Variants in NXPH1 observed in about 807,000 individuals in gnomAD.
NXPH1 encodes neurexophilin 1.
Under a neutral mutation model 23.7 loss-of-function variants are expected in NXPH1, and 5 were observed. The ratio of observed to expected loss-of-function variants is 0.21; its 90% confidence interval spans 0.11 to 0.44. The LOEUF is 0.44. Among genes scored for constraint, NXPH1 ranks in the 20% least tolerant of loss-of-function variants. The pLI is 0.99. For synonymous variants in NXPH1, 144 were observed against 122.2 expected (o/e 1.18, Z -1.18); for missense variants, 324 against 321.6 (o/e 1.01, Z -0.06).
chr7:8,725,278 C>T (rs1179712871), intron 2 of NXPH1, among the ~76,000 whole-genome samples: 5 of 152,032 alleles, frequency 3.3e-5, no homozygotes, highest in African/African-American at 1.2e-4. Context: ...TCACTTGAGG[C>T]CAGGAGTTCG....
chr7:8,635,592 A>G (rs1820207341), intron 2 of NXPH1, among the ~76,000 whole-genome samples: 1 of 152,220 alleles, frequency 6.6e-6, no homozygotes, highest in South Asian at 2.1e-4. Flanking sequence ...TGTTAGATAG[A>G]GAACCATCAC....
At chr7:8,670,965 G>C (rs558738044) in intron 2 of NXPH1, among the ~76,000 whole-genome samples, 1 of 152,200 alleles carries the variant, frequency 6.6e-6, no homozygotes, top group South Asian at 2.1e-4. Context: ...TACTTGGGAT[G>C]TACTCATCTG....
rs147379639 is a variant in NXPH1, at chr7:8,737,209, C to T, written c.55-13799C>T. Reference sequence around the variant, plus strand: ...TGGTTATTTTGCCTGTTACTTGATGCAGTTTCTTCATAGTGTTGATGGTCT... The same window carrying T: ...TGGTTATTTTGCCTGTTACTTGATGTAGTTTCTTCATAGTGTTGATGGTCT... On this transcript the variant is annotated intron_variant, in intron 2 of 2. Transcript: ENST00000405863. 1.7e-4 allele frequency among the ~76,000 whole-genome samples: 26 copies of T among 152,178 alleles called. No individual in the cohort carries two copies. The East Asian group carries it at 4.1e-3, about 24-fold the overall frequency.
In NXPH1 at chr7:8,609,536, A is replaced by G. The variant is rs1034566873; in HGVS notation, c.55-141472A>G. Among the ~76,000 whole-genome samples the G allele has an allele frequency of 3.9e-5, 6 of 152,176 alleles. No individual in the cohort carries two copies. The East Asian group carries it at 5.8e-4, about 15-fold the overall frequency. On this transcript the variant is annotated intron_variant, in intron 2 of 2. Transcript: ENST00000405863. ...TTATGACTGTGACGTACTTTGAGAC[A>G]CTTTCAGAAAGATTGAAAGACGAAA...
At chr7:8,732,495 A>G (rs1780175107) in intron 2 of NXPH1, among the ~76,000 whole-genome samples, 3 of 152,230 alleles carry the variant, frequency 2.0e-5, no homozygotes, top group Admixed American at 2.0e-4. Context: ...TCAGGTAGAA[A>G]GAAGCAATTC....
rs1816174768 is a variant in NXPH1 at position 8,435,444 on chromosome 7, G to A, written c.-110-160G>A. ...CCCAGCTGCGGACCGCGCGCTTGCT[G>A]GTCTCAGGCGCTGGATTTACTCGCT... On this transcript the variant is annotated intron_variant, in intron 1 of 2. Transcript: ENST00000405863. The surrounding 1 kb of genome is among the most constrained non-coding windows in gnomAD (Gnocchi z 5.9). 1 of 537,778 alleles carries A rather than the reference G, an allele frequency of 1.9e-6. No homozygotes were observed. The highest frequency in any genetic ancestry group is 2.2e-5 in the South Asian group (1 of 46,132). 33.3% of individuals were successfully genotyped at this position (537,778 alleles called of 1,614,324 possible). A position where few individuals can be genotyped will look rare whatever the true frequency, so the allele number is the denominator to read the frequency against.
At chr7:8,746,589 T>G (rs1339527196) in intron 2 of NXPH1, among the ~76,000 whole-genome samples, 1 of 152,246 alleles carries the variant, frequency 6.6e-6, no homozygotes, top group Non-Finnish European at 1.5e-5. Context: ...CTTGCTTTCT[T>G]TCCTTTTCAA....
At chr7:8,528,564 C>T (rs1207190039) in intron 2 of NXPH1, among the ~76,000 whole-genome samples, 1 of 152,148 alleles carries the variant, frequency 6.6e-6, no homozygotes, top group Non-Finnish European at 1.5e-5. Flanking sequence ...TGAAAGGATG[C>T]CTTATTTGCA....
At chr7:8,615,971 C>T (rs914846094) in intron 2 of NXPH1, among the ~76,000 whole-genome samples, 2 of 151,988 alleles carry the variant, frequency 1.3e-5, no homozygotes, top group Non-Finnish European at 2.9e-5. Context: ...TTGCCGTTAT[C>T]TTCTTAAAGC....
chr7:8,710,054 C>T (rs888939900), intron 2 of NXPH1, among the ~76,000 whole-genome samples: 2 of 152,200 alleles, frequency 1.3e-5, no homozygotes, highest in African/African-American at 2.4e-5. Context: ...AAAGAATCTC[C>T]TTTGCCCTAT....
At chr7:8,507,622 C>T (rs541465197) in intron 2 of NXPH1, among the ~76,000 whole-genome samples, 57 of 152,210 alleles carry the variant, frequency 3.7e-4, no homozygotes, top group African/African-American at 1.3e-3. Context: ...GTTTCATAAT[C>T]TTCTAAGTTT....
chr7:8,700,165 G>T (rs1363461453), intron 2 of NXPH1, among the ~76,000 whole-genome samples: 1 of 152,122 alleles, frequency 6.6e-6, no homozygotes, highest in Non-Finnish European at 1.5e-5. Flanking sequence ...AAATTGAATT[G>T]TAAACTCTTC....
At chr7:8,739,189 A>AC (rs1780317745) in intron 2 of NXPH1, among the ~76,000 whole-genome samples, 2 of 149,976 alleles carry the variant, frequency 1.3e-5, no homozygotes, top group African/African-American at 2.5e-5. Context: ...AAAAAAAAAA[A>AC]AAAAAAAAAA....
rs192904749 is a variant in NXPH1, at chr7:8,485,287, T to C, written c.54+49520T>C. 7.9e-5 allele frequency among the ~76,000 whole-genome samples: 12 copies of C among 152,280 alleles called. No individual in the cohort carries two copies. The East Asian group carries it at 2.3e-3, about 29-fold the overall frequency. On this transcript the variant is annotated intron_variant, in intron 2 of 2. Transcript: ENST00000405863. ...GCTCCTCATTCACCTTCTGCCATGA[T>C]TGTGAGCCCTCCCCAGACATGTGGA...
At chr7:8,666,129 C>T (rs1163269033) in intron 2 of NXPH1, among the ~76,000 whole-genome samples, 3 of 151,774 alleles carry the variant, frequency 2.0e-5, no homozygotes, top group Admixed American at 1.3e-4. Context: ...TGTTCTTGAT[C>T]ATAGATAAAA....
intron 2 of NXPH1, among the ~76,000 whole-genome samples, chr7:8,498,477 A>G (rs1316157410): frequency 6.6e-6 from 1 of 152,084 alleles, no homozygotes; most frequent in Non-Finnish European, 1.5e-5. Context: ...TGCCAGTTCC[A>G]TAGACCCAGC....
chr7:8,627,602 G>GA (rs1225512864), intron 2 of NXPH1, among the ~76,000 whole-genome samples: 1 of 152,094 alleles, frequency 6.6e-6, no homozygotes, highest in Non-Finnish European at 1.5e-5. Flanking sequence ...TGACACTGAA[G>GA]AAATGATTAT....
intron 2 of NXPH1, among the ~76,000 whole-genome samples, chr7:8,686,145 G>C (rs1430225166): frequency 5.9e-5 from 9 of 152,132 alleles, no homozygotes; most frequent in Admixed American, 5.9e-4. Context: ...TTAAGTATTT[G>C]ATAAAATATT....
chr7:8,640,193 T>C (rs1356853256), intron 2 of NXPH1, among the ~76,000 whole-genome samples: 1 of 152,182 alleles, frequency 6.6e-6, no homozygotes, highest in African/African-American at 2.4e-5. Context: ...CCTTTGGGCT[T>C]CATATCTAAC....
Sources: allele counts gnomAD v4.1 joint callset (sites outside exome capture counted in the v4.1 genomes callset), GRCh38; gene constraint gnomAD v4.1.1; non-coding constraint Gnocchi (gnomAD v3.1); transcripts MANE v1.5; gene names NCBI Gene and HGNC (gene_info 2026-07-23, HGNC 2026-07-21).